IDO2: variants seen among roughly 807,000 people sequenced by gnomAD.
IDO2 encodes indoleamine 2,3-dioxygenase 2.
In IDO2, 46 loss-of-function variants were observed where a neutral mutation model predicts 45.1. The observed-to-expected ratio is 1.02, with a 90% CI of 0.80 to 1.30. IDO2 has a LOEUF of 1.30. IDO2 is among the 50% of genes most tolerant of loss of function. IDO2 has a pLI of 0.00. For missense variants in IDO2, 544 were observed against 491.8 expected (o/e 1.11, Z -1.00); for synonymous variants, 218 against 184.9 (o/e 1.18, Z -1.45).
At chr8:39,950,025 A>AT (rs199843846) in intron 2 of IDO2, among the ~76,000 whole-genome samples, 3,499 of 152,288 alleles carry the variant, frequency 0.023, 59 homozygotes, top group Middle Eastern at 0.058. Context: ...GGCCTAGAAC[A>AT]TTAAAACTAT....
chr8:39,983,399 C>T (rs1485427945), intron 5 of IDO2, among the ~76,000 whole-genome samples: 1 of 152,162 alleles, frequency 6.6e-6, no homozygotes, highest in African/African-American at 2.4e-5. Flanking sequence ...TTTATTTCAG[C>T]TCTAGATGAA....
At chr8:39,997,713 C>G (rs895843355) in intron 8 of IDO2, among the ~76,000 whole-genome samples, 1 of 152,168 alleles carries the variant, frequency 6.6e-6, no homozygotes, top group Non-Finnish European at 1.5e-5. Context: ...TCAGAATTAA[C>G]ACCTCAACTA....
At chr8:39,953,476 T>C (rs1807841842) in intron 2 of IDO2, among the ~76,000 whole-genome samples, 1 of 152,216 alleles carries the variant, frequency 6.6e-6, no homozygotes, top group Admixed American at 6.5e-5. Context: ...TAGAAATCTT[T>C]CACTTTTATA....
At chr8:39,967,864 T>C (rs915948344) in intron 3 of IDO2, among the ~76,000 whole-genome samples, 1 of 152,190 alleles carries the variant, frequency 6.6e-6, no homozygotes, top group Non-Finnish European at 1.5e-5. Context: ...AGAGGACGTA[T>C]AGCAATAGAG....
intron 5 of IDO2, among the ~76,000 whole-genome samples, chr8:39,983,286 A>T (rs1446924894): frequency 2.6e-5 from 4 of 152,242 alleles, no homozygotes; most frequent in African/African-American, 9.6e-5. Context: ...TGTCTACAGA[A>T]GGAATAGCAT....
rs1426620646 is a variant in IDO2, at chr8:39,985,523, G to A, written c.449+1G>A. On this transcript the variant is annotated splice_donor_variant, in intron 6 of 10. Coordinates refer to ENST00000502986, the Ensembl canonical transcript of IDO2. LOFTEE classifies it high-confidence loss of function. ...ATTGGGCTAGATTCCTGGAAATTGGGTAAGTTCTCAGAAATCATTTACGCA... is the reference window on the plus strand; with the variant it reads ...ATTGGGCTAGATTCCTGGAAATTGGATAAGTTCTCAGAAATCATTTACGCA... 7.0e-6 allele frequency: 11 copies of A among 1,564,094 alleles called. No homozygotes were observed. Among genetic ancestry groups the A allele is most frequent in the African/African-American group, 4.1e-5 (3 of 73,554 alleles).
chr8:39,940,148 G>C (rs909603884), intron 1 of IDO2, among the ~76,000 whole-genome samples: 1 of 152,126 alleles, frequency 6.6e-6, no homozygotes, highest in African/African-American at 2.4e-5. Context: ...GCCAGGCAGG[G>C]CTTCATGCAG....
intron 1 of IDO2, among the ~76,000 whole-genome samples, chr8:39,940,392 G>A (rs1032768216): frequency 6.6e-6 from 1 of 152,184 alleles, no homozygotes; most frequent in African/African-American, 2.4e-5. Context: ...CTGTTTTCAA[G>A]GAGCTTATAA....
intron 3 of IDO2, among the ~76,000 whole-genome samples, chr8:39,978,061 C>T (rs569583898): frequency 4.0e-4 from 61 of 152,086 alleles, no homozygotes; most frequent in African/African-American, 1.4e-3. Context: ...ATTTTAGAAC[C>T]CCTGGGGATG....
intron 4 of IDO2, among the ~76,000 whole-genome samples, chr8:39,980,390 AT>A (rs544083729): frequency 1.1e-4 from 17 of 149,406 alleles, no homozygotes; most frequent in Non-Finnish European, 1.5e-4. Flanking sequence ...ACTCATCTTT[AT>A]TTTTTTTTTA....
intron 2 of IDO2, among the ~76,000 whole-genome samples, chr8:39,957,042 CAAAA>C (rs56064306): frequency 1.3e-4 from 4 of 31,340 alleles, no homozygotes; most frequent in African/African-American, 3.5e-4. Context: ...GACTCCATCT[CAAAA>C]AAAAAAAAAA....
At chr8:40,007,283 G>A (rs1802238541) in intron 9 of IDO2, among the ~76,000 whole-genome samples, 1 of 151,988 alleles carries the variant, frequency 6.6e-6, no homozygotes, top group Non-Finnish European at 1.5e-5. Flanking sequence ...TTGGTGCAAG[G>A]ACAGAGTAGC....
chr8:39,967,452 C>T (rs756617691), intron 3 of IDO2, among the ~76,000 whole-genome samples: 2 of 152,170 alleles, frequency 1.3e-5, no homozygotes, highest in East Asian at 1.9e-4. Flanking sequence ...TAAATACATA[C>T]GACTGTTTAC....
At chr8:39,943,179 C>G (rs1281221707) in intron 1 of IDO2, among the ~76,000 whole-genome samples, 1 of 151,474 alleles carries the variant, frequency 6.6e-6, no homozygotes, top group Non-Finnish European at 1.5e-5. Flanking sequence ...ACCAGCGTGA[C>G]TAACGTGGGG....
intron 8 of IDO2, among the ~76,000 whole-genome samples, chr8:40,004,567 A>ATAGATGAT (rs55986019): frequency 2.8e-5 from 3 of 107,074 alleles, no homozygotes; most frequent in South Asian, 3.6e-4. Context: ...AGATAGATAG[A>ATAGATGAT]CGATAGATAG....
intron 2 of IDO2, among the ~76,000 whole-genome samples, chr8:39,956,328 C>G (rs1807890654): frequency 6.6e-6 from 1 of 152,150 alleles, no homozygotes. Context: ...TCCCAAAGTG[C>G]TGGGATTACA....
chr8:39,941,353 G>GA (rs1204157671), intron 1 of IDO2, among the ~76,000 whole-genome samples: 2 of 151,772 alleles, frequency 1.3e-5, no homozygotes, highest in Non-Finnish European at 2.9e-5. Context: ...AAAATACTAT[G>GA]AATAACCAGA....
chr8:39,955,193 C>G (rs79637860), intron 2 of IDO2, among the ~76,000 whole-genome samples: 3,178 of 147,620 alleles, frequency 0.022, 138 homozygotes, highest in African/African-American at 0.076. Context: ...GCTAGATGGA[C>G]TCATTAACAA....
intron 1 of IDO2, among the ~76,000 whole-genome samples, chr8:39,945,763 T>C (rs969320958): frequency 4.6e-5 from 7 of 152,220 alleles, no homozygotes; most frequent in Admixed American, 3.9e-4. Flanking sequence ...TTCATTTATA[T>C]CTCTCATCAC....
Sources: gnomAD v4.1 joint callset for allele counts (sites outside exome capture counted in the v4.1 genomes callset) on GRCh38, gnomAD v4.1.1 for gene constraint, MANE v1.5 for transcripts, NCBI Gene and HGNC (gene_info 2026-07-23, HGNC 2026-07-21) for gene names.